FBXL20: variants seen among roughly 807,000 people sequenced by gnomAD.
FBXL20 encodes F-box and leucine rich repeat protein 20.
A neutral mutation model predicts 64.0 loss-of-function variants in FBXL20; 11 were observed. The ratio of observed to expected loss-of-function variants is 0.17; its 90% CI spans 0.11 to 0.28. FBXL20 has a LOEUF of 0.28. FBXL20 is among the 10% of genes least tolerant of loss of function. The pLI is 1.00. For missense variants in FBXL20, 303 were observed against 526.2 expected, an observed-to-expected ratio of 0.58 and a Z score of 4.15; for synonymous variants, 184 against 189.0, an observed-to-expected ratio of 0.97 and a Z score of 0.22.
intron 1 of FBXL20, among the ~76,000 whole-genome samples, chr17:39,394,567 CTTT>C (rs66762447): frequency 2.2e-5 from 3 of 138,106 alleles, no homozygotes; most frequent in Non-Finnish European, 4.8e-5. Context: ...TTTTTCTTTT[CTTT>C]TTTTTTTTTT....
chr17:39,263,956 C>A, intron 14 of FBXL20: 1 of 453,838 alleles, frequency 2.2e-6, no homozygotes. Flanking sequence ...AGGAGACCTA[C>A]TTTTCTTCCC....
intron 2 of FBXL20, among the ~76,000 whole-genome samples, chr17:39,318,514 G>C (rs2144506040): frequency 6.6e-6 from 1 of 152,232 alleles, no homozygotes; most frequent in East Asian, 1.9e-4. Flanking sequence ...GCCAAGGCAG[G>C]CAGATCACCT....
chr17:39,334,328 A>G (rs2047498302), intron 2 of FBXL20, among the ~76,000 whole-genome samples: 1 of 152,158 alleles, frequency 6.6e-6, no homozygotes, highest in Non-Finnish European at 1.5e-5. Context: ...GGACACAAAC[A>G]CTGCGGAAGG....
chr17:39,275,578 T>C (rs1306698223), intron 9 of FBXL20, among the ~76,000 whole-genome samples: 2 of 145,748 alleles, frequency 1.4e-5, no homozygotes, highest in African/African-American at 5.0e-5. Context: ...TGTCCGGCAA[T>C]TTTTTTTTTT....
At chr17:39,363,354 C>T (rs1471631291) in intron 1 of FBXL20, among the ~76,000 whole-genome samples, 3 of 151,608 alleles carry the variant, frequency 2.0e-5, no homozygotes, top group Admixed American at 2.0e-4. Context: ...CAGGGTCTCC[C>T]TATGTTGCCC....
chr17:39,381,812 A>AG (rs1567904408), intron 1 of FBXL20, among the ~76,000 whole-genome samples: 1 of 151,812 alleles, frequency 6.6e-6, no homozygotes, highest in Non-Finnish European at 1.5e-5. Flanking sequence ...AAAAAAAAAA[A>AG]AAGGCCGGGC....
intron 2 of FBXL20, among the ~76,000 whole-genome samples, chr17:39,327,042 G>C (rs950137458): frequency 6.6e-6 from 1 of 151,784 alleles, no homozygotes; most frequent in African/African-American, 2.4e-5. Flanking sequence ...CACCACACTC[G>C]TCTCCACTAA....
Position 39,300,986 on chromosome 17 carries a change from A to C in FBXL20, c.234+15T>G. The C allele has an allele frequency of 6.2e-7, 1 of 1,612,838 alleles. No individual in the cohort carries two copies. Among genetic ancestry groups the C allele is most frequent in the Non-Finnish European group, 8.5e-7 (1 of 1,179,112 alleles). On this transcript the variant is annotated intron_variant, in intron 4 of 14. Transcript: ENST00000264658. The stretch of plus-strand genomic sequence containing the variant: ...ACTAACATGAAAACTGGGGCCACAC[A>C]CCACATAATTATACCTCAATATCCC...
intron 1 of FBXL20, among the ~76,000 whole-genome samples, chr17:39,381,733 T>C (rs897992668): frequency 1.6e-4 from 23 of 145,192 alleles, no homozygotes; most frequent in African/African-American, 5.4e-4. Context: ...GTTTAGGCTG[T>C]AGTGAGCCAT....
chr17:39,371,793 T>C (rs2047920908), intron 1 of FBXL20, among the ~76,000 whole-genome samples: 1 of 152,050 alleles, frequency 6.6e-6, no homozygotes, highest in Non-Finnish European at 1.5e-5. Context: ...CCCAAGTAGC[T>C]GGGATTAAAG....
At chr17:39,275,232 C>G in intron 9 of FBXL20, 132 bp from the exon 10 acceptor site, 1 of 941,252 alleles carries the variant, frequency 1.1e-6, no homozygotes, top group South Asian at 1.8e-5. Flanking sequence ...CATCAGATAG[C>G]AGACCTAAAA....
rs1037794112 is a variant in FBXL20 at position 39,260,290 on chromosome 17, T to C, written c.*1170A>G. On this transcript the variant is annotated 3_prime_UTR_variant, in exon 15 of 15. Transcript: ENST00000264658. ...AATATATAATAACATTAATCATTAA[T>C]GTCTGAACTTGGGTGTTGGGGACTT... The C allele has an allele frequency of 6.6e-6, 1 of 152,216 alleles. No individual in the cohort carries two copies. Among genetic ancestry groups the C allele is most frequent in the East Asian group, 1.9e-4 (1 of 5,202 alleles). The allele number at this position is 152,216 out of a possible 1,614,324, so 9.4% of individuals were successfully genotyped here.
At chr17:39,344,330 G>A (rs903027826) in intron 1 of FBXL20, among the ~76,000 whole-genome samples, 2 of 149,026 alleles carry the variant, frequency 1.3e-5, no homozygotes, top group African/African-American at 5.0e-5. Flanking sequence ...CAGCCTCAGC[G>A]AGACAGTGAG....
intron 2 of FBXL20, among the ~76,000 whole-genome samples, chr17:39,336,385 T>G (rs1016438767): frequency 6.6e-6 from 1 of 151,846 alleles, no homozygotes; most frequent in African/African-American, 2.4e-5. Flanking sequence ...ACACACAAAT[T>G]TAAAAGACAA....
At chr17:39,308,476 C>A (rs1555607019) in intron 2 of FBXL20, among the ~76,000 whole-genome samples, 3 of 151,028 alleles carry the variant, frequency 2.0e-5, no homozygotes, top group South Asian at 2.1e-4. Flanking sequence ...GCCTGGGCAA[C>A]AGAGCCAGAC....
chr17:39,368,445 C>G (rs2047882781), intron 1 of FBXL20, among the ~76,000 whole-genome samples: 1 of 152,120 alleles, frequency 6.6e-6, no homozygotes, highest in Non-Finnish European at 1.5e-5. Context: ...TCACCACTAC[C>G]TGATTTTAAT....
rs1425360422 is a variant in FBXL20, at chr17:39,252,767, C to CA, written c.*8692_*8693insT. 1 of 133,282 alleles carries CA rather than the reference C, an allele frequency of 7.5e-6. No homozygotes were observed. The highest frequency in any genetic ancestry group is 1.7e-5 in the Non-Finnish European group (1 of 60,540). 8.3% of individuals were successfully genotyped at this position (133,282 alleles called of 1,614,324 possible). A position where few individuals can be genotyped will look rare whatever the true frequency, so the allele number is the denominator to read the frequency against. On this transcript the variant is annotated 3_prime_UTR_variant, in exon 15 of 15. Coordinates refer to ENST00000264658, the MANE Select transcript of FBXL20 (RefSeq NM_032875.3). ...ACTTTATATATTTATATATAAAAAA[C>CA]TTTTTTTTTTTTTTTTTAGTCCAAA...
intron 6 of FBXL20, among the ~76,000 whole-genome samples, chr17:39,292,944 C>A (rs540032563): frequency 6.6e-6 from 1 of 152,022 alleles, no homozygotes; most frequent in East Asian, 1.9e-4. Context: ...AGGCACCCGC[C>A]ATCATGCCCG....
chr17:39,261,588 T>G (rs2046745777), intron 14 of FBXL20, 21 bp from the exon 15 acceptor site: 1 of 1,562,728 alleles, frequency 6.4e-7, no homozygotes, highest in Admixed American at 1.7e-5. Flanking sequence ...ACAGAAACAT[T>G]AAACGTTTAA....
Sources: gnomAD v4.1 joint callset for allele counts (sites outside exome capture counted in the v4.1 genomes callset) on GRCh38, gnomAD v4.1.1 for gene constraint, MANE v1.5 for transcripts, NCBI Gene and HGNC (gene_info 2026-07-23, HGNC 2026-07-21) for gene names.